Variants in CADM2 observed in about 807,000 individuals in gnomAD.
CADM2 encodes the protein immunoglobulin superfamily member 4D.
A neutral mutation model predicts 49.8 loss-of-function variants in CADM2; 12 were observed. The observed-to-expected ratio is 0.24, with a 90% CI of 0.15 to 0.39. The LOEUF (loss-of-function observed/expected upper bound fraction) is 0.39, where lower values mean the gene tolerates loss of function less well. CADM2 is among the 10% of genes least tolerant of loss of function. The pLI is 1.00. For synonymous variants in CADM2, 214 were observed against 175.4 expected, an observed-to-expected ratio of 1.22 and a Z score of -1.74; for missense variants, 378 against 492.3, an observed-to-expected ratio of 0.77 and a Z score of 2.20.
chr3:85,738,467 T>C (rs1031942774), intron 2 of CADM2, among the ~76,000 whole-genome samples: 2 of 152,208 alleles, frequency 1.3e-5, no homozygotes, highest in Non-Finnish European at 2.9e-5. Context: ...TGGGAAGTGT[T>C]AACAAATGCT....
chr3:85,404,122 A>G (rs1576491836), intron 1 of CADM2, among the ~76,000 whole-genome samples: 1 of 152,290 alleles, frequency 6.6e-6, no homozygotes, highest in East Asian at 1.9e-4. Flanking sequence ...TGTTAGTTTT[A>G]AATTATTTTA....
At chr3:85,513,563 TA>T (rs949964380) in intron 1 of CADM2, among the ~76,000 whole-genome samples, 2 of 151,836 alleles carry the variant, frequency 1.3e-5, no homozygotes, top group Non-Finnish European at 2.9e-5. Flanking sequence ...ACCAAAGAAA[TA>T]AAAACCTCAA....
intron 1 of CADM2, among the ~76,000 whole-genome samples, chr3:85,152,763 C>CTGG (rs1559691500): frequency 6.6e-6 from 1 of 151,980 alleles, no homozygotes; most frequent in Non-Finnish European, 1.5e-5. Context: ...CGAGACCATC[C>CTGG]TGGCTAACAC....
At chr3:85,776,336 T>TACACACACACACAC (rs141105558) in intron 2 of CADM2, among the ~76,000 whole-genome samples, 3 of 146,160 alleles carry the variant, frequency 2.1e-5, no homozygotes, top group South Asian at 2.2e-4. Context: ...CAAACTCTCT[T>TACACACACACACAC]ACACACACAC....
At chr3:86,019,660 C>A (rs1577970677) in intron 8 of CADM2, among the ~76,000 whole-genome samples, 1 of 152,142 alleles carries the variant, frequency 6.6e-6, no homozygotes, top group African/African-American at 2.4e-5. Flanking sequence ...GGAGTTTACT[C>A]ATGATTTGGC....
chr3:85,592,956 G>C (rs748132372), intron 1 of CADM2, among the ~76,000 whole-genome samples: 3 of 151,778 alleles, frequency 2.0e-5, no homozygotes, highest in Non-Finnish European at 2.9e-5. Context: ...CATGTGTTTA[G>C]TTTTCTCTTC....
chr3:85,078,124 G>A (rs927770968), intron 1 of CADM2, among the ~76,000 whole-genome samples: 4 of 152,128 alleles, frequency 2.6e-5, no homozygotes, highest in Admixed American at 1.3e-4. Flanking sequence ...CTGGGAAAAA[G>A]TCATTTAGTA....
chr3:85,188,920 A>G (rs2041133351), intron 1 of CADM2, among the ~76,000 whole-genome samples: 1 of 151,800 alleles, frequency 6.6e-6, no homozygotes, highest in Admixed American at 6.6e-5. Flanking sequence ...AGTCCCAGCT[A>G]CTCGGGAGGC....
intron 1 of CADM2, among the ~76,000 whole-genome samples, chr3:85,227,370 A>G (rs1025804536): frequency 2.7e-5 from 4 of 149,444 alleles, no homozygotes; most frequent in African/African-American, 7.4e-5. Flanking sequence ...TTCCTTTACC[A>G]TTATGTAATG....
At position 85,033,830 on chromosome 3, in the gene CADM2, T is replaced by C. The variant is rs934024778; in HGVS notation, c.61+74162T>C. Reference sequence around the variant, plus strand: ...CCTAAGTGATTAGGAATCAAAAGCATATGTAGGTTATTCAAACCAGTGTGC... The same window carrying C: ...CCTAAGTGATTAGGAATCAAAAGCACATGTAGGTTATTCAAACCAGTGTGC... On this transcript the variant is annotated intron_variant, in intron 1 of 9. Transcript: ENST00000383699. 6.6e-5 allele frequency among the ~76,000 whole-genome samples: 10 copies of C among 152,200 alleles called. No homozygotes were observed. In the South Asian group the frequency reaches 8.3e-4, roughly 13 times the overall value.
intron 1 of CADM2, among the ~76,000 whole-genome samples, chr3:85,580,935 C>T (rs1410479190): frequency 6.6e-6 from 1 of 151,984 alleles, no homozygotes; most frequent in Non-Finnish European, 1.5e-5. Flanking sequence ...TATGTAGATT[C>T]ATTCCAGTAC....
At chr3:85,054,511 C>T (rs1480606324) in intron 1 of CADM2, among the ~76,000 whole-genome samples, 1 of 151,752 alleles carries the variant, frequency 6.6e-6, no homozygotes, top group Admixed American at 6.6e-5. Context: ...ATGGAATTAC[C>T]TATTAGGAAG....
rs369907713 is a variant in CADM2, at chr3:85,133,816, G to A, written c.61+174148G>A. ...GGCTTCACCCAGTGGATCCCTCACC[G>A]GGGCTGCAGGTGGAGCTGCCTGCCA... On this transcript the variant is annotated intron_variant, in intron 1 of 9. Coordinates refer to ENST00000383699, the MANE Select transcript of CADM2 (RefSeq NM_001167675.2). 5.3e-5 allele frequency among the ~76,000 whole-genome samples: 8 copies of A among 152,336 alleles called. No homozygotes were observed. In the East Asian group the frequency reaches 7.8e-4, roughly 15 times the overall value.
chr3:85,702,419 G>T (rs2066809070), intron 1 of CADM2, among the ~76,000 whole-genome samples: 2 of 151,876 alleles, frequency 1.3e-5, no homozygotes, highest in Admixed American at 1.3e-4. Flanking sequence ...CAGCTAGAAG[G>T]CTTAAAAAAT....
chr3:85,775,922 G>A (rs2070337564), intron 2 of CADM2, among the ~76,000 whole-genome samples: 1 of 151,786 alleles, frequency 6.6e-6, no homozygotes, highest in South Asian at 2.1e-4. Flanking sequence ...GATTTTTAGA[G>A]CAAAAGAAGA....
chr3:85,469,373 T>G (rs1390086504), intron 1 of CADM2, among the ~76,000 whole-genome samples: 1 of 152,112 alleles, frequency 6.6e-6, no homozygotes, highest in East Asian at 1.9e-4. Flanking sequence ...AGGAAGCCAG[T>G]CATCAATGTA....
intron 1 of CADM2, among the ~76,000 whole-genome samples, chr3:84,985,489 T>G (rs1203775844): frequency 2.0e-5 from 3 of 152,132 alleles, no homozygotes; most frequent in Non-Finnish European, 4.4e-5. Flanking sequence ...ATACAAAATT[T>G]TGGTTTGTAC....
chr3:85,179,988 T>C (rs1221182760), intron 1 of CADM2, among the ~76,000 whole-genome samples: 1 of 152,134 alleles, frequency 6.6e-6, no homozygotes, highest in Non-Finnish European at 1.5e-5. Flanking sequence ...GCACTGGGGA[T>C]ACAGCAGTCT....
Position 86,074,345 on chromosome 3 carries a change from T to A in CADM2, c.*7562T>A, listed in dbSNP as rs534997442. On this transcript the variant is annotated 3_prime_UTR_variant, in exon 10 of 10. Coordinates refer to ENST00000383699, the MANE Select transcript of CADM2 (RefSeq NM_001167675.2). ...TTGTTACACAGGGTAAGCCAAAGGCTGTACAAGATTTAGTGTCATTGGGTC... is the reference window on the plus strand; with the variant it reads ...TTGTTACACAGGGTAAGCCAAAGGCAGTACAAGATTTAGTGTCATTGGGTC... 6.6e-6 allele frequency: 1 copy of A among 152,038 alleles called. No individual in the cohort carries two copies. Among genetic ancestry groups the A allele is most frequent in the African/African-American group, 2.4e-5 (1 of 41,466 alleles). 9.4% of individuals were successfully genotyped at this position (152,038 alleles called of 1,614,324 possible).
Sources: gnomAD v4.1 joint callset for allele counts (sites outside exome capture counted in the v4.1 genomes callset) on GRCh38, gnomAD v4.1.1 for gene constraint, MANE v1.5 for transcripts, NCBI Gene and HGNC (gene_info 2026-07-23, HGNC 2026-07-21) for gene names.